The following HS3ST4 variants were observed in gnomAD, a reference collection of about 807,000 sequenced individuals.
HS3ST4 encodes the protein heparan sulfate glucosamine 3-O-sulfotransferase 4.
Under a neutral mutation model 29.2 loss-of-function variants are expected in HS3ST4, and 17 were observed. The observed-to-expected ratio is 0.58, with a 90% confidence interval of 0.40 to 0.87. The LOEUF (loss-of-function observed/expected upper bound fraction) is 0.87. HS3ST4 is among the 40% of genes least tolerant of loss of function. The pLI, the probability that HS3ST4 is intolerant of heterozygous loss-of-function variation, is 0.00. For missense variants in HS3ST4, 627 were observed against 634.5 expected, an observed-to-expected ratio of 0.99 and a Z score of 0.13; for synonymous variants, 314 against 285.7, an observed-to-expected ratio of 1.10 and a Z score of -1.00.
chr16:26,058,609 T>C (rs934483614), intron 1 of HS3ST4, among the ~76,000 whole-genome samples: 4 of 152,160 alleles, frequency 2.6e-5, no homozygotes, highest in Admixed American at 6.5e-5. Flanking sequence ...TCTTGGCCAG[T>C]GCTAAAGAAT....
chr16:25,967,191 A>G (rs1315942902), intron 1 of HS3ST4, among the ~76,000 whole-genome samples: 4 of 152,098 alleles, frequency 2.6e-5, no homozygotes, highest in South Asian at 2.1e-4. Flanking sequence ...CGCTCGCTCT[A>G]TTACCAGGCT....
intron 1 of HS3ST4, among the ~76,000 whole-genome samples, chr16:25,793,931 T>A (rs1307991510): frequency 6.6e-6 from 1 of 152,044 alleles, no homozygotes. Context: ...TGTCTTCCTG[T>A]ATCACATTTT....
chr16:26,111,105 C>T (rs147155528), intron 1 of HS3ST4, among the ~76,000 whole-genome samples: 93 of 151,966 alleles, frequency 6.1e-4, no homozygotes, highest in African/African-American at 2.1e-3. Flanking sequence ...CTCTGTCCCC[C>T]AGGCTAGAAT....
At chr16:25,957,694 C>T (rs1001006017) in intron 1 of HS3ST4, among the ~76,000 whole-genome samples, 3 of 152,186 alleles carry the variant, frequency 2.0e-5, no homozygotes, top group Non-Finnish European at 4.4e-5. Context: ...ACTGGCATTA[C>T]AGGTGTAAGC....
At chr16:26,082,380 C>T (rs1049687658) in intron 1 of HS3ST4, among the ~76,000 whole-genome samples, 1 of 152,146 alleles carries the variant, frequency 6.6e-6, no homozygotes, top group African/African-American at 2.4e-5. Context: ...TTAACTCTTC[C>T]CTTCTCTTCC....
At chr16:26,038,654 T>G (rs1208430828) in intron 1 of HS3ST4, among the ~76,000 whole-genome samples, 2 of 149,634 alleles carry the variant, frequency 1.3e-5, no homozygotes, top group African/African-American at 5.0e-5. Context: ...TTTTTTTTAA[T>G]TATGTATGTA....
chr16:25,857,505 C>T (rs1022803031), intron 1 of HS3ST4, among the ~76,000 whole-genome samples: 6 of 152,100 alleles, frequency 3.9e-5, no homozygotes, highest in African/African-American at 1.4e-4. Context: ...GTATGATTGG[C>T]TTATAGTTTG....
chr16:26,121,158 A>G (rs1006984540), intron 1 of HS3ST4, among the ~76,000 whole-genome samples: 1 of 152,208 alleles, frequency 6.6e-6, no homozygotes, highest in Non-Finnish European at 1.5e-5. Flanking sequence ...AGTTATTTCG[A>G]GAGAGGATGG....
chr16:25,844,261 A>G (rs903165124), intron 1 of HS3ST4, among the ~76,000 whole-genome samples: 1 of 152,216 alleles, frequency 6.6e-6, no homozygotes, highest in African/African-American at 2.4e-5. Context: ...TTTTGCAAAG[A>G]CACATTTATC....
chr16:25,841,720 T>G (rs2141644971), intron 1 of HS3ST4, among the ~76,000 whole-genome samples: 1 of 152,338 alleles, frequency 6.6e-6, no homozygotes, highest in East Asian at 1.9e-4. Flanking sequence ...AGGTCTCAAT[T>G]GTCTTCCAGT....
intron 1 of HS3ST4, among the ~76,000 whole-genome samples, chr16:25,898,012 G>A (rs1175517717): frequency 1.3e-5 from 2 of 152,174 alleles, no homozygotes; most frequent in Non-Finnish European, 2.9e-5. Context: ...GCGCAGGCGA[G>A]CCCTGGCAGT....
At chr16:26,015,360 G>C (rs1026844889) in intron 1 of HS3ST4, among the ~76,000 whole-genome samples, 1 of 151,896 alleles carries the variant, frequency 6.6e-6, no homozygotes, top group Non-Finnish European at 1.5e-5. Context: ...GGTGGGGAAT[G>C]GGGGTCCCAA....
intron 1 of HS3ST4, among the ~76,000 whole-genome samples, chr16:25,821,595 T>C (rs7204660): frequency 0.37 from 56,839 of 151,986 alleles, 10,814 homozygotes; most frequent in East Asian, 0.45. Flanking sequence ...CTATCAATTT[T>C]TTCCATATGC....
At position 26,135,921 on chromosome 16, in the gene HS3ST4, C is replaced by T; in HGVS notation, c.1044C>T (p.Pro348=). ...TGGAAAACTGGCTCCAGTATTTCCC[C>T]CTCTCCCAGATCCTCTTTGTCAGTG... ...LHLENWLQYF[P]LSQILFVSGE... The change falls in exon 2 of 2, where the codon CCC becomes CCT. Residue 348 remains proline, a synonymous_variant. Coordinates refer to ENST00000331351, the MANE Select transcript of HS3ST4 (RefSeq NM_006040.3). 2 of 1,613,964 alleles carry T rather than the reference C, an allele frequency of 1.2e-6. No individual in the cohort carries two copies. The highest frequency in any genetic ancestry group is 1.7e-6 in the Non-Finnish European group (2 of 1,179,870).
chr16:26,035,296 C>T (rs761085425), intron 1 of HS3ST4, among the ~76,000 whole-genome samples: 5 of 152,160 alleles, frequency 3.3e-5, no homozygotes, highest in African/African-American at 4.8e-5. Context: ...ATATTTTGTA[C>T]GTTTTTGACT....
At chr16:25,899,063 A>G (rs1377054818) in intron 1 of HS3ST4, among the ~76,000 whole-genome samples, 1 of 152,096 alleles carries the variant, frequency 6.6e-6, no homozygotes. Context: ...CTGCAAGCTC[A>G]CCTTTCTTCC....
intron 1 of HS3ST4, among the ~76,000 whole-genome samples, chr16:25,954,199 T>C (rs928652442): frequency 6.6e-6 from 1 of 152,166 alleles, no homozygotes; most frequent in Non-Finnish European, 1.5e-5. Context: ...TTAGACTTTG[T>C]GTCAAAGAAA....
At chr16:25,860,065 C>G (rs8056818) in intron 1 of HS3ST4, among the ~76,000 whole-genome samples, 23,421 of 152,106 alleles carry the variant, frequency 0.15, 1,904 homozygotes, top group East Asian at 0.26. Flanking sequence ...ATCTAATTGA[C>G]CTGAGGTGGA....
intron 1 of HS3ST4, among the ~76,000 whole-genome samples, chr16:25,798,156 C>T (rs1356979979): frequency 6.6e-6 from 1 of 152,156 alleles, no homozygotes; most frequent in Non-Finnish European, 1.5e-5. Context: ...TGCACTCAGG[C>T]CAACTTCTCT....
Sources: allele counts gnomAD v4.1 joint callset (sites outside exome capture counted in the v4.1 genomes callset), GRCh38; gene constraint gnomAD v4.1.1; transcripts MANE v1.5; gene names NCBI Gene and HGNC (gene_info 2026-07-23, HGNC 2026-07-21).